The following SIDT1 variants were observed in gnomAD, a reference collection of about 807,000 sequenced individuals.
SIDT1 encodes the protein SID1 transmembrane family member 1.
In SIDT1, 101 loss-of-function variants were observed where a neutral mutation model predicts 107.5. That is an observed-to-expected ratio of 0.94 (90% CI 0.80 to 1.11). The LOEUF (loss-of-function observed/expected upper bound fraction) is 1.11. Ranked by LOEUF, SIDT1 falls within the 50% of genes least tolerant of loss-of-function variation. The pLI is 0.00. For missense variants in SIDT1, 1,076 were observed against 1,058.2 expected (o/e 1.02, Z -0.23); for synonymous variants, 395 against 398.2 (o/e 0.99, Z 0.10).
At chr3:113,546,496 T>C (rs181487369) in intron 1 of SIDT1, among the ~76,000 whole-genome samples, 1 of 152,322 alleles carries the variant, frequency 6.6e-6, no homozygotes, top group East Asian at 1.9e-4. Context: ...TTTTTTCCCT[T>C]GCTGGCATTC....
chr3:113,609,701 G>A (rs1022946014), intron 17 of SIDT1, among the ~76,000 whole-genome samples: 3 of 152,140 alleles, frequency 2.0e-5, no homozygotes, highest in Non-Finnish European at 4.4e-5. Context: ...TGTTAACTCT[G>A]AGCACCACAG....
At chr3:113,543,002 C>T (rs140829085) in intron 1 of SIDT1, among the ~76,000 whole-genome samples, 2,797 of 151,728 alleles carry the variant, frequency 0.018, 36 homozygotes, top group African/African-American at 0.026. Context: ...AGTGCAGTGG[C>T]GCGATCTTGG....
At chr3:113,565,851 A>G (rs7623311) in intron 1 of SIDT1, among the ~76,000 whole-genome samples, 1 of 152,130 alleles carries the variant, frequency 6.6e-6, no homozygotes, top group Non-Finnish European at 1.5e-5. Context: ...GATTTGAAAC[A>G]CAGAATGATT....
At chr3:113,623,239 G>T (rs1286072661) in intron 21 of SIDT1, among the ~76,000 whole-genome samples, 188 bp from the exon 22 acceptor site, 82 of 117,480 alleles carry the variant, frequency 7.0e-4, no homozygotes, top group South Asian at 4.5e-3. Flanking sequence ...ATATGTTAAA[G>T]TATTTTTTTA....
chr3:113,612,335 C>G, intron 19 of SIDT1, 141 bp downstream of exon 19: 1 of 707,190 alleles, frequency 1.4e-6, no homozygotes, highest in Non-Finnish European at 2.6e-6. Flanking sequence ...TTTAATAGCA[C>G]ATATTCGCTC....
At chr3:113,615,486 C>T (rs566130097) in intron 19 of SIDT1, among the ~76,000 whole-genome samples, 39 of 152,332 alleles carry the variant, frequency 2.6e-4, no homozygotes, top group African/African-American at 8.9e-4. Flanking sequence ...CACACACACT[C>T]GCTGCATTTC....
At chr3:113,536,747 C>CA (rs1319462805) in intron 1 of SIDT1, among the ~76,000 whole-genome samples, 10 of 152,054 alleles carry the variant, frequency 6.6e-5, no homozygotes, top group Non-Finnish European at 1.5e-4. Flanking sequence ...AAGTTGCCTT[C>CA]AAAAAAATCA....
intron 9 of SIDT1, among the ~76,000 whole-genome samples, chr3:113,586,943 A>G (rs1048505692): frequency 2.0e-5 from 3 of 152,238 alleles, no homozygotes; most frequent in Admixed American, 6.5e-5. Context: ...CCTGATCTCA[A>G]TCAGGATCTT....
chr3:113,621,448 G>GA (rs58509093), intron 21 of SIDT1, among the ~76,000 whole-genome samples: 54 of 129,972 alleles, frequency 4.2e-4, no homozygotes, highest in East Asian at 1.5e-3. Flanking sequence ...CAAAAAAAAA[G>GA]AAAAAAAAAA....
intron 6 of SIDT1, 28 bp from the exon 7 acceptor site, chr3:113,583,381 T>A: frequency 6.5e-7 from 1 of 1,535,482 alleles, no homozygotes; most frequent in East Asian, 2.3e-5. Flanking sequence ...TCTTACCGCC[T>A]ATCATAAGGT....
At chr3:113,549,879 A>C (rs1443800647) in intron 1 of SIDT1, among the ~76,000 whole-genome samples, 1 of 152,182 alleles carries the variant, frequency 6.6e-6, no homozygotes, top group African/African-American at 2.4e-5. Flanking sequence ...TTTCCATTTT[A>C]CATTTAGACA....
At chr3:113,537,559 T>G (rs1938318289) in intron 1 of SIDT1, among the ~76,000 whole-genome samples, 1 of 152,250 alleles carries the variant, frequency 6.6e-6, no homozygotes, top group Non-Finnish European at 1.5e-5. Flanking sequence ...CACATCCTTT[T>G]GCTGAACTGC....
At chr3:113,549,306 T>A (rs893019592) in intron 1 of SIDT1, among the ~76,000 whole-genome samples, 1 of 152,182 alleles carries the variant, frequency 6.6e-6, no homozygotes, top group Non-Finnish European at 1.5e-5. Context: ...TAAGACTATG[T>A]TTAGCTTTGT....
intron 4 of SIDT1, 57 bp from the exon 5 acceptor site, chr3:113,580,551 A>G (rs1334507117): frequency 9.1e-7 from 1 of 1,103,134 alleles, no homozygotes; most frequent in African/African-American, 1.5e-5. Context: ...CTAATAGTAG[A>G]GGAAACAATC....
intron 9 of SIDT1, chr3:113,589,809 C>G (rs1332943674): frequency 6.5e-6 from 1 of 152,690 alleles, no homozygotes; most frequent in African/African-American, 2.4e-5. Context: ...GCTGGGATTA[C>G]AGGCGTGAGC....
intron 1 of SIDT1, among the ~76,000 whole-genome samples, chr3:113,537,009 G>C (rs1282519820): frequency 2.0e-5 from 3 of 152,186 alleles, no homozygotes; most frequent in African/African-American, 7.2e-5. Context: ...ACAAATGCAG[G>C]TTTACTGGGA....
Position 113,556,866 on chromosome 3 carries a change from C to CTGGA in SIDT1, c.223-9553_223-9550dup, listed in dbSNP as rs1940930986. Among the ~76,000 whole-genome samples, 6 of 133,648 alleles carry CTGGA rather than the reference C, an allele frequency of 4.5e-5. No individual in the cohort carries two copies. The South Asian group carries it at 1.5e-3, about 34-fold the overall frequency. The allele number at this position is 133,648 out of a possible 152,430, so 87.7% of individuals were successfully genotyped here. ...ATAGAGTCTGGCTCTGTCACCCAGG[C>CTGGA]TGGAGTGCAGTGGCAGGATCTCGCC... On this transcript the variant is annotated intron_variant, in intron 1 of 24. Coordinates refer to ENST00000264852, the MANE Select transcript of SIDT1 (RefSeq NM_017699.3).
At chr3:113,554,788 A>G (rs982794379) in intron 1 of SIDT1, among the ~76,000 whole-genome samples, 2 of 152,144 alleles carry the variant, frequency 1.3e-5, no homozygotes, top group East Asian at 3.9e-4. Context: ...AACACCAAGC[A>G]CTTACTTTCT....
chr3:113,605,511 C>CTA (rs372472931), intron 14 of SIDT1, among the ~76,000 whole-genome samples: 1 of 152,292 alleles, frequency 6.6e-6, no homozygotes, highest in African/African-American at 2.4e-5. Flanking sequence ...ATTATTTTGT[C>CTA]TACCAGTCTG....
Sources: allele counts gnomAD v4.1 joint callset (sites outside exome capture counted in the v4.1 genomes callset), GRCh38; gene constraint gnomAD v4.1.1; transcripts MANE v1.5; gene names NCBI Gene and HGNC (gene_info 2026-07-23, HGNC 2026-07-21).